RUFY2: variants seen among roughly 807,000 people sequenced by gnomAD.
RUFY2 encodes the protein RUN and FYVE domain containing 2.
Under a neutral mutation model 94.4 loss-of-function variants are expected in RUFY2, and 49 were observed. That is an observed-to-expected ratio of 0.52 (90% CI 0.41 to 0.66). The LOEUF (loss-of-function observed/expected upper bound fraction) is 0.66, where lower values mean the gene tolerates loss of function less well. Ranked by LOEUF, RUFY2 falls within the 30% of genes least tolerant of loss-of-function variation. The pLI is 0.00. For missense variants in RUFY2, 541 were observed against 692.8 expected (o/e 0.78, Z 2.46); for synonymous variants, 255 against 235.7 (o/e 1.08, Z -0.75).
At chr10:68,354,099 T>G (rs2132352956) in intron 16 of RUFY2, among the ~76,000 whole-genome samples, 1 of 151,984 alleles carries the variant, frequency 6.6e-6, no homozygotes, top group South Asian at 2.1e-4. Context: ...GGCAAGGGAG[T>G]GAAGAACAAG....
At chr10:68,358,448 TA>T (rs770611003) in intron 15 of RUFY2, among the ~76,000 whole-genome samples, 97 of 152,328 alleles carry the variant, frequency 6.4e-4, no homozygotes, top group African/African-American at 2.3e-3. Context: ...CTACACACTG[TA>T]AAAATACTGA....
intron 7 of RUFY2, among the ~76,000 whole-genome samples, chr10:68,392,173 AG>A (rs1157346100): frequency 1.1e-4 from 16 of 151,506 alleles, no homozygotes; most frequent in African/African-American, 3.9e-4. Context: ...CTGGGATTAC[AG>A]GTGACCGCCA....
rs1450072368 is a variant in RUFY2, at chr10:68,366,350, AGAG to A, written c.1326-2240_1326-2238del. On this transcript the variant is annotated intron_variant, in intron 13 of 17. Transcript: ENST00000602465. ...CATCTCAAAAAAAAAAAAAAAAAAAAGAGAGAGAAAGAAAAAGGAAGATGTAAG... is the reference window on the plus strand; with the variant it reads ...CATCTCAAAAAAAAAAAAAAAAAAAAAGAGAAAGAAAAAGGAAGATGTAAG... Among the ~76,000 whole-genome samples the A allele has an allele frequency of 1.2e-4, 17 of 147,070 alleles. No individual in the cohort carries two copies. In the East Asian group the frequency reaches 1.2e-3, roughly 10 times the overall value.
At chr10:68,341,380 T>C (rs764602302), downstream of RUFY2, 341 of 1,479,766 alleles carry the variant, frequency 2.3e-4, 1 homozygote, top group Non-Finnish European at 3.0e-4. Flanking sequence ...CTCTAAGATC[T>C]GTAGGTAACG....
chr10:68,346,022 T>A lies in RUFY2; in HGVS notation c.1662A>T (p.Ser554=), dbSNP rs1026147950. ...THCKLCEKEF[S]LSKRKHHCRN... ...TCTCCCTTACCTTTCTCTTAGAGAG[T>A]GAGAATTCCTTTTCACAAAGTTTAC... Residue 554 remains serine, a synonymous_variant, in exon 17 of 18, where the codon TCA becomes TCT. Transcript: ENST00000602465. 1.9e-5 allele frequency: 30 copies of A among 1,613,780 alleles called. No homozygotes were observed. Among genetic ancestry groups the A allele is most frequent in the African/African-American group, 4.0e-5 (3 of 74,902 alleles).
chr10:68,381,533 T>C, intron 10 of RUFY2, 134 bp from the exon 11 acceptor site: 1 of 742,832 alleles, frequency 1.3e-6, no homozygotes, highest in East Asian at 2.7e-5. Context: ...CCAGGCCCTA[T>C]AACAAGGCAA....
At chr10:68,355,525 C>A in intron 15 of RUFY2, 124 bp from the exon 16 acceptor site, 1 of 556,964 alleles carries the variant, frequency 1.8e-6, no homozygotes. Flanking sequence ...ATTTTTATGG[C>A]CTTCTCTGGC....
chr10:68,390,485 C>T (rs575435785), intron 7 of RUFY2, among the ~76,000 whole-genome samples: 1 of 152,124 alleles, frequency 6.6e-6, no homozygotes, highest in South Asian at 2.1e-4. Flanking sequence ...CTGTGCTGTC[C>T]AGTATGGCCG....
chr10:68,384,268 C>A (rs1485530436), intron 8 of RUFY2, 116 bp from the exon 9 acceptor site: 13 of 1,309,242 alleles, frequency 9.9e-6, no homozygotes, highest in Non-Finnish European at 1.3e-5. Flanking sequence ...AGCAAAAGGT[C>A]TGTCACATTC....
chr10:68,394,788 C>G (rs1032843370), intron 4 of RUFY2, among the ~76,000 whole-genome samples: 4 of 151,680 alleles, frequency 2.6e-5, no homozygotes, highest in African/African-American at 9.7e-5. Flanking sequence ...CGCCACCGCA[C>G]CCGGCTAATT....
intron 8 of RUFY2, among the ~76,000 whole-genome samples, chr10:68,385,374 C>G (rs1187336691): frequency 6.6e-6 from 1 of 151,554 alleles, no homozygotes; most frequent in African/African-American, 2.4e-5. Flanking sequence ...AGCAATAATT[C>G]TGTGATTTAA....
chr10:68,341,566 C>CG (rs1554867384), downstream of RUFY2: 3 of 1,525,140 alleles, frequency 2.0e-6, no homozygotes, highest in African/African-American at 4.2e-5. Flanking sequence ...CCCTGTTACT[C>CG]TTTCTTTTTT....
chr10:68,388,324 G>T (rs530586973), intron 7 of RUFY2, among the ~76,000 whole-genome samples: 1 of 151,848 alleles, frequency 6.6e-6, no homozygotes, highest in African/African-American at 2.4e-5. Context: ...TTAGCCCAGC[G>T]TGGTGTTACG....
intron 12 of RUFY2, chr10:68,378,763 AAAG>A (rs1284754222): frequency 6.1e-6 from 5 of 818,354 alleles, no homozygotes; most frequent in African/African-American, 5.2e-5. Flanking sequence ...AAAAAAGAAA[AAAG>A]AAGAAAGAGG....
At chr10:68,388,447 G>C (rs1418911493) in intron 7 of RUFY2, among the ~76,000 whole-genome samples, 1 of 152,018 alleles carries the variant, frequency 6.6e-6, no homozygotes, top group African/African-American at 2.4e-5. Context: ...TGGGCGACAA[G>C]ACTAAGACTC....
At chr10:68,398,919 A>G (rs573406588) in intron 3 of RUFY2, among the ~76,000 whole-genome samples, 1 of 152,328 alleles carries the variant, frequency 6.6e-6, no homozygotes, top group Non-Finnish European at 1.5e-5. Context: ...ATTAAAATGA[A>G]TCAAATCTTA....
At chr10:68,399,668 A>G (rs2050664195) in intron 3 of RUFY2, among the ~76,000 whole-genome samples, 1 of 152,264 alleles carries the variant, frequency 6.6e-6, no homozygotes, top group African/African-American at 2.4e-5. Flanking sequence ...TTGTAAAACT[A>G]TGAGAAAACA....
intron 7 of RUFY2, among the ~76,000 whole-genome samples, chr10:68,392,021 TTTC>T (rs2050032896): frequency 6.7e-6 from 1 of 149,142 alleles, no homozygotes; most frequent in Non-Finnish European, 1.5e-5. Flanking sequence ...CATATATTTC[TTTC>T]TTTTCTTTTT....
Position 68,345,512 on chromosome 10 carries a change from G to C in RUFY2, c.*256C>G, listed in dbSNP as rs1017853779. ...TTAAGGCCTTTACAAGATAAGGCAA[G>C]TTGTGTTAGCTCTGCTCTCTGGCCT... On this transcript the variant is annotated 3_prime_UTR_variant, in exon 18 of 18. Coordinates refer to ENST00000602465, the MANE Select transcript of RUFY2 (RefSeq NM_001330103.2). The C allele has an allele frequency of 1.6e-5, 7 of 429,566 alleles. No homozygotes were observed. The highest frequency in any genetic ancestry group is 2.0e-5 in the Non-Finnish European group (5 of 244,816). 26.6% of individuals were successfully genotyped at this position (429,566 alleles called of 1,614,324 possible). A position where few individuals can be genotyped will look rare whatever the true frequency, so the allele number is the denominator to read the frequency against.
Sources: allele counts gnomAD v4.1 joint callset (sites outside exome capture counted in the v4.1 genomes callset), GRCh38; gene constraint gnomAD v4.1.1; transcripts MANE v1.5; gene names NCBI Gene and HGNC (gene_info 2026-07-23, HGNC 2026-07-21).